The following ATP8A2 variants were observed in gnomAD, a reference collection of about 807,000 sequenced individuals.
ATP8A2 encodes phospholipid-transporting ATPase IB.
A neutral mutation model predicts 165.6 loss-of-function variants in ATP8A2; 100 were observed. That is an observed-to-expected ratio of 0.60 (90% CI 0.51 to 0.71). ATP8A2 has a LOEUF of 0.71. Among genes scored for constraint, ATP8A2 ranks in the 30% least tolerant of loss-of-function variants. ATP8A2 has a pLI of 0.00. For missense variants in ATP8A2, 1,227 were observed against 1,479.5 expected, an observed-to-expected ratio of 0.83 and a Z score of 2.80; for synonymous variants, 543 against 548.8, an observed-to-expected ratio of 0.99 and a Z score of 0.15.
intron 25 of ATP8A2, among the ~76,000 whole-genome samples, chr13:25,734,486 T>G (rs1313001611): frequency 2.0e-5 from 3 of 152,218 alleles, no homozygotes; most frequent in Non-Finnish European, 4.4e-5. Context: ...GTGCCTTTAG[T>G]GTCTTAGCAA....
chr13:25,656,234 A>G (rs1192531380), intron 24 of ATP8A2, among the ~76,000 whole-genome samples: 1 of 152,122 alleles, frequency 6.6e-6, no homozygotes, highest in African/African-American at 2.4e-5. Flanking sequence ...CATTAGCAAA[A>G]TGAAGTGATT....
chr13:25,516,813 C>G (rs1259307044), intron 2 of ATP8A2, among the ~76,000 whole-genome samples: 22 of 143,568 alleles, frequency 1.5e-4, no homozygotes, highest in African/African-American at 5.2e-4. Flanking sequence ...CGGAGTTTCA[C>G]TCTCTCACCC....
intron 24 of ATP8A2, among the ~76,000 whole-genome samples, chr13:25,643,389 C>T (rs767836510): frequency 6.6e-6 from 1 of 152,048 alleles, no homozygotes; most frequent in Non-Finnish European, 1.5e-5. Flanking sequence ...GTTGTTATGA[C>T]AGTGTCTTTG....
At chr13:25,986,697 T>C (rs934178039) in intron 35 of ATP8A2, among the ~76,000 whole-genome samples, 2 of 152,230 alleles carry the variant, frequency 1.3e-5, no homozygotes, top group Admixed American at 6.5e-5. Flanking sequence ...AACATACTGA[T>C]GTTGTCCCCT....
chr13:25,736,199 G>C (rs1277502702), intron 25 of ATP8A2, among the ~76,000 whole-genome samples: 1 of 152,180 alleles, frequency 6.6e-6, no homozygotes, highest in Non-Finnish European at 1.5e-5. Flanking sequence ...CACAATGACA[G>C]ATTTCTCAGA....
intron 28 of ATP8A2, among the ~76,000 whole-genome samples, chr13:25,831,833 ACT>A (rs1254069393): frequency 2.0e-5 from 3 of 151,928 alleles, no homozygotes; most frequent in Non-Finnish European, 1.5e-5. Flanking sequence ...ACAGAGCAAG[ACT>A]CTGTCTCAAA....
intron 33 of ATP8A2, among the ~76,000 whole-genome samples, chr13:25,894,818 T>C (rs1368917154): frequency 6.6e-6 from 1 of 152,204 alleles, no homozygotes; most frequent in Non-Finnish European, 1.5e-5. Flanking sequence ...AGTTCACTCA[T>C]GATTTGGCTC....
At chr13:25,659,278 C>G (rs1352924022) in intron 24 of ATP8A2, among the ~76,000 whole-genome samples, 2 of 152,162 alleles carry the variant, frequency 1.3e-5, no homozygotes, top group Non-Finnish European at 2.9e-5. Context: ...ATGATCATAG[C>G]AGGTTTCAAC....
intron 24 of ATP8A2, among the ~76,000 whole-genome samples, chr13:25,615,707 A>C (rs917029482): frequency 6.6e-6 from 1 of 152,284 alleles, no homozygotes; most frequent in South Asian, 2.1e-4. Context: ...GGACTGAGAG[A>C]TCCCACAGGA....
At chr13:25,899,871 C>G (rs1953681971) in intron 33 of ATP8A2, among the ~76,000 whole-genome samples, 1 of 152,148 alleles carries the variant, frequency 6.6e-6, no homozygotes, top group Non-Finnish European at 1.5e-5. Flanking sequence ...CTCACCCTGC[C>G]TCTCTATGGG....
intron 27 of ATP8A2, among the ~76,000 whole-genome samples, chr13:25,777,313 A>G (rs997397523): frequency 7.2e-5 from 11 of 152,200 alleles, no homozygotes; most frequent in African/African-American, 2.7e-4. Flanking sequence ...ACCACTGCCA[A>G]ATTACTTCTT....
intron 33 of ATP8A2, among the ~76,000 whole-genome samples, chr13:25,937,329 A>AT (rs201922394): frequency 0.029 from 1,423 of 49,600 alleles, 29 homozygotes; most frequent in African/African-American, 0.076. Context: ...GTGGCATTTT[A>AT]TTTTTTTTGC....
At chr13:25,394,554 G>A (rs923678320) in intron 1 of ATP8A2, among the ~76,000 whole-genome samples, 22 of 152,134 alleles carry the variant, frequency 1.4e-4, no homozygotes, top group African/African-American at 4.8e-4. Flanking sequence ...AGCAGGAGGC[G>A]GCAGAGACCA....
chr13:25,867,030 A>G (rs577769073), intron 33 of ATP8A2, among the ~76,000 whole-genome samples: 1 of 152,038 alleles, frequency 6.6e-6, no homozygotes, highest in Admixed American at 6.5e-5. Flanking sequence ...AGTTCTTTTC[A>G]TTGCTAGTAA....
intron 2 of ATP8A2, among the ~76,000 whole-genome samples, chr13:25,513,658 C>T (rs556934145): frequency 6.6e-6 from 1 of 152,066 alleles, no homozygotes; most frequent in East Asian, 1.9e-4. Flanking sequence ...GCACTCCAGC[C>T]TGGGCACCAT....
At chr13:25,859,514 A>G (rs1405023540) in intron 30 of ATP8A2, among the ~76,000 whole-genome samples, 1 of 152,060 alleles carries the variant, frequency 6.6e-6, no homozygotes, top group East Asian at 1.9e-4. Flanking sequence ...AAACAACTCT[A>G]TTAGCATTCT....
At chr13:25,447,604 A>C (rs2035104975) in intron 1 of ATP8A2, among the ~76,000 whole-genome samples, 1 of 152,218 alleles carries the variant, frequency 6.6e-6, no homozygotes, top group African/African-American at 2.4e-5. Context: ...CAACCTCTGG[A>C]GCACCAGAGG....
At chr13:25,707,158 A>G (rs895946334) in intron 25 of ATP8A2, among the ~76,000 whole-genome samples, 9 of 152,196 alleles carry the variant, frequency 5.9e-5, no homozygotes, top group Non-Finnish European at 2.9e-5. Context: ...CAGAATATGT[A>G]GAGACTTGAG....
intron 27 of ATP8A2, among the ~76,000 whole-genome samples, chr13:25,802,308 C>G (rs976250827): frequency 6.6e-6 from 1 of 152,104 alleles, no homozygotes; most frequent in Non-Finnish European, 1.5e-5. Flanking sequence ...CCATGGAGAG[C>G]TTGAAGACCA....
Sources: gnomAD v4.1 joint callset for allele counts (sites outside exome capture counted in the v4.1 genomes callset) on GRCh38, gnomAD v4.1.1 for gene constraint, MANE v1.5 for transcripts, NCBI Gene and HGNC (gene_info 2026-07-23, HGNC 2026-07-21) for gene names.